RBM26: variants seen among roughly 807,000 people sequenced by gnomAD.
RBM26 encodes the protein RNA binding motif protein 26, also known as RNA-binding protein 26.
RBM26 carries 30 observed loss-of-function variants against 123.6 expected under a neutral mutation model. The ratio of observed to expected loss-of-function variants is 0.24; its 90% confidence interval spans 0.18 to 0.33. The LOEUF (loss-of-function observed/expected upper bound fraction) is 0.33, where lower values mean the gene tolerates loss of function less well. Ranked by LOEUF, RBM26 falls within the 10% of genes least tolerant of loss-of-function variation. The pLI is 1.00. For synonymous variants in RBM26, 400 were observed against 404.4 expected (o/e 0.99, Z 0.13); for missense variants, 947 against 1,203.6 (o/e 0.79, Z 3.15).
chr13:79,373,724 TA>T (rs1321610014), intron 3 of RBM26, among the ~76,000 whole-genome samples: 85 of 41,076 alleles, frequency 2.1e-3, no homozygotes, highest in African/African-American at 6.7e-3. Flanking sequence ...TTACTATATA[TA>T]ATAATATATA....
chr13:79,351,258 T>C (rs564581239), intron 14 of RBM26, among the ~76,000 whole-genome samples: 29 of 152,270 alleles, frequency 1.9e-4, no homozygotes, highest in Middle Eastern at 3.4e-3. Flanking sequence ...AGTAGTACAC[T>C]AAGTACAGCT....
At chr13:79,389,215 A>G (rs2077732813) in intron 1 of RBM26, among the ~76,000 whole-genome samples, 1 of 152,180 alleles carries the variant, frequency 6.6e-6, no homozygotes, top group Admixed American at 6.5e-5. Flanking sequence ...AAAATGAGGA[A>G]CTACTTATAA....
At chr13:79,398,007 T>C (rs2078743068) in intron 1 of RBM26, among the ~76,000 whole-genome samples, 1 of 152,190 alleles carries the variant, frequency 6.6e-6, no homozygotes, top group Non-Finnish European at 1.5e-5. Flanking sequence ...CATTATTTAA[T>C]ACACACATAA....
chr13:79,335,010 CATTATATT>C (rs2070091146), intron 19 of RBM26, among the ~76,000 whole-genome samples: 1 of 152,082 alleles, frequency 6.6e-6, no homozygotes, highest in African/African-American at 2.4e-5. Context: ...AAGCTAAACA[CATTATATT>C]ATTCCTGTTT....
Position 79,319,733 on chromosome 13 carries a change from T to C in RBM26, c.*888A>G. 2 of 983,644 alleles carry C rather than the reference T, an allele frequency of 2.0e-6. No homozygotes were observed. Among genetic ancestry groups the C allele is most frequent in the Non-Finnish European group, 2.4e-6 (2 of 828,604 alleles). The allele number at this position is 983,644 out of a possible 1,614,324, so 60.9% of individuals were successfully genotyped here. A position where few individuals can be genotyped will look rare whatever the true frequency, so the allele number is the denominator to read the frequency against. ...AGACATTTGTTGAAAATTTATAGGATCAAACCAAACTCAAGTGGTATAATT... is the reference window on the plus strand; with the variant it reads ...AGACATTTGTTGAAAATTTATAGGACCAAACCAAACTCAAGTGGTATAATT... On this transcript the variant is annotated 3_prime_UTR_variant, in exon 22 of 22. Transcript: ENST00000438737.
chr13:79,354,296 C>A (rs974487133), intron 13 of RBM26, 143 bp downstream of exon 13: 91 of 500,190 alleles, frequency 1.8e-4, no homozygotes, highest in African/African-American at 6.5e-4. Context: ...AAAAAAAAAA[C>A]AACCTTATAG....
intron 1 of RBM26, among the ~76,000 whole-genome samples, chr13:79,390,218 A>C (rs1418837483): frequency 6.6e-6 from 1 of 152,170 alleles, no homozygotes; most frequent in Non-Finnish European, 1.5e-5. Context: ...TAATGAGAGC[A>C]TTATTATTGT....
intron 20 of RBM26, among the ~76,000 whole-genome samples, chr13:79,325,491 T>C (rs888920222): frequency 2.0e-5 from 3 of 152,210 alleles, no homozygotes; most frequent in African/African-American, 7.2e-5. Context: ...TAGTTTTTAA[T>C]TAAAAGTTTA....
chr13:79,395,020 C>G (rs1043239702), intron 1 of RBM26, among the ~76,000 whole-genome samples: 1 of 152,182 alleles, frequency 6.6e-6, no homozygotes, highest in Non-Finnish European at 1.5e-5. Flanking sequence ...AAGCCCAGAA[C>G]CAATCAGACT....
In RBM26 at chr13:79,344,316, A is replaced by G; in HGVS notation, c.2191T>C (p.Leu731=). ...TTCCTTACATCCTGCTGAAGTTTCA[A>G]TGCCTCCTAGAATCAGGGATCAAAA... ...NEAQKKKQEA[L]KLQQDVRKRK... Residue 731 remains leucine, a synonymous_variant, in exon 16 of 22, where the codon TTG becomes CTG. Coordinates refer to ENST00000438737, the MANE Select transcript of RBM26 (RefSeq NM_001366735.2). 1.2e-6 allele frequency: 2 copies of G among 1,603,958 alleles called. No homozygotes were observed. The highest frequency in any genetic ancestry group is 3.3e-4 in the Middle Eastern group (2 of 6,038).
chr13:79,314,150 T>G (rs2066982241), downstream of RBM26: 1 of 151,798 alleles, frequency 6.6e-6, no homozygotes, highest in South Asian at 2.1e-4. Flanking sequence ...TAAGTCATAC[T>G]GCTTATAAAT....
chr13:79,347,260 A>T (rs2072489539), intron 14 of RBM26, among the ~76,000 whole-genome samples: 1 of 152,184 alleles, frequency 6.6e-6, no homozygotes, highest in Non-Finnish European at 1.5e-5. Context: ...CAACTCAGTG[A>T]CTGTAAGACA....
intron 20 of RBM26, among the ~76,000 whole-genome samples, chr13:79,323,471 AT>A (rs1325646451): frequency 6.6e-6 from 1 of 151,544 alleles, no homozygotes. Flanking sequence ...TACAACTAGA[AT>A]TTTTTTAAAA....
chr13:79,363,633 C>T (rs752900589), intron 9 of RBM26, among the ~76,000 whole-genome samples: 4 of 152,132 alleles, frequency 2.6e-5, no homozygotes, highest in Non-Finnish European at 5.9e-5. Context: ...GTAGGTATGA[C>T]AGACATTTCT....
chr13:79,393,457 C>T (rs893229070), intron 1 of RBM26, among the ~76,000 whole-genome samples: 7 of 152,148 alleles, frequency 4.6e-5, no homozygotes, highest in Admixed American at 6.5e-5. Flanking sequence ...TATGTCTCCT[C>T]GGTCGAATTC....
At chr13:79,393,771 G>A (rs2078307237) in intron 1 of RBM26, among the ~76,000 whole-genome samples, 1 of 152,136 alleles carries the variant, frequency 6.6e-6, no homozygotes, top group African/African-American at 2.4e-5. Flanking sequence ...TGGACCTGAG[G>A]CACTAATGGC....
chr13:79,320,491 GTC>G lies in RBM26; in HGVS notation c.*128_*129del. 1 of 1,263,594 alleles carries G rather than the reference GTC, an allele frequency of 7.9e-7. No homozygotes were observed. The highest frequency in any genetic ancestry group is 3.0e-5 in the South Asian group (1 of 33,834). The allele number at this position is 1,263,594 out of a possible 1,614,324, so 78.3% of individuals were successfully genotyped here. A position where few individuals can be genotyped will look rare whatever the true frequency, so the allele number is the denominator to read the frequency against. ...TCAGAAGGTAGTTTTCTTCTTTTTT[GTC>G]TATTTGTGAAATCCATCTTCATCAC... On this transcript the variant is annotated 3_prime_UTR_variant, in exon 22 of 22. Transcript: ENST00000438737.
intron 20 of RBM26, among the ~76,000 whole-genome samples, chr13:79,332,174 T>A (rs980893220): frequency 6.6e-6 from 1 of 152,224 alleles, no homozygotes; most frequent in Non-Finnish European, 1.5e-5. Flanking sequence ...TGTTTGACAG[T>A]AAACATTGGC....
intron 1 of RBM26, 92 bp downstream of exon 1, chr13:79,405,612 C>T: frequency 1.2e-6 from 1 of 825,804 alleles, no homozygotes; most frequent in Non-Finnish European, 1.8e-6. Context: ...GCTTCGGCCT[C>T]CACCGCAGGC....
Sources: allele counts gnomAD v4.1 joint callset (sites outside exome capture counted in the v4.1 genomes callset), GRCh38; gene constraint gnomAD v4.1.1; transcripts MANE v1.5; gene names NCBI Gene and HGNC (gene_info 2026-07-23, HGNC 2026-07-21).